ADGRG6: variants seen among roughly 807,000 people sequenced by gnomAD.
ADGRG6 encodes G-protein coupled receptor 126.
Under a neutral mutation model 142.4 loss-of-function variants are expected in ADGRG6, and 84 were observed. The observed-to-expected ratio is 0.59, with a 90% CI of 0.49 to 0.71. The LOEUF (loss-of-function observed/expected upper bound fraction) is 0.71. Among genes scored for constraint, ADGRG6 ranks in the 30% least tolerant of loss-of-function variants. The pLI is 0.00. For synonymous variants in ADGRG6, 521 were observed against 520.5 expected (o/e 1.00, Z -0.01); for missense variants, 1,367 against 1,466.6 (o/e 0.93, Z 1.11).
At chr6:142,400,820 C>T in intron 11 of ADGRG6, 1 of 440,274 alleles carries the variant, frequency 2.3e-6, no homozygotes, top group East Asian at 3.7e-5. Flanking sequence ...AGCCCTTTCA[C>T]AGAAAAACTG....
At chr6:142,346,776 C>T (rs1426487941) in intron 2 of ADGRG6, among the ~76,000 whole-genome samples, 5 of 146,494 alleles carry the variant, frequency 3.4e-5, no homozygotes. Flanking sequence ...AACACAGGAA[C>T]AGAAAACCAA....
At chr6:142,426,635 C>A (rs1053810503) in intron 22 of ADGRG6, among the ~76,000 whole-genome samples, 1 of 152,198 alleles carries the variant, frequency 6.6e-6, no homozygotes, top group Non-Finnish European at 1.5e-5. Flanking sequence ...TAGATGGCAC[C>A]CCAGTAGGGA....
intron 22 of ADGRG6, among the ~76,000 whole-genome samples, chr6:142,425,739 A>G (rs1220200519): frequency 6.6e-6 from 1 of 152,178 alleles, no homozygotes; most frequent in Non-Finnish European, 1.5e-5. Flanking sequence ...AACATATACC[A>G]GAGACTGGGC....
chr6:142,378,458 T>C (rs1449246608), intron 4 of ADGRG6, among the ~76,000 whole-genome samples: 1 of 152,146 alleles, frequency 6.6e-6, no homozygotes, highest in Non-Finnish European at 1.5e-5. Context: ...CGGAAGTCCC[T>C]TACAAAATAT....
intron 2 of ADGRG6, among the ~76,000 whole-genome samples, chr6:142,323,611 G>T (rs145804551): frequency 2.0e-5 from 3 of 152,012 alleles, no homozygotes; most frequent in Non-Finnish European, 2.9e-5. Flanking sequence ...AGGTGATTTC[G>T]TCACTGTGCA....
intron 22 of ADGRG6, among the ~76,000 whole-genome samples, chr6:142,428,540 G>C (rs1251320416): frequency 6.6e-6 from 1 of 152,080 alleles, no homozygotes; most frequent in African/African-American, 2.4e-5. Context: ...TTTATAAAGG[G>C]AAGAGGTTTA....
intron 2 of ADGRG6, among the ~76,000 whole-genome samples, chr6:142,346,025 G>C (rs1232393677): frequency 2.0e-5 from 3 of 152,106 alleles, no homozygotes; most frequent in Non-Finnish European, 4.4e-5. Flanking sequence ...TCTCACTTTA[G>C]TTCCTGTGAA....
chr6:142,377,056 A>G (rs1269205935), intron 4 of ADGRG6, among the ~76,000 whole-genome samples: 7 of 152,188 alleles, frequency 4.6e-5, no homozygotes. Context: ...CTTTTCCTCA[A>G]CTGCCTGTTT....
chr6:142,329,663 T>C (rs1193908189), intron 2 of ADGRG6, among the ~76,000 whole-genome samples: 1 of 152,140 alleles, frequency 6.6e-6, no homozygotes, highest in East Asian at 1.9e-4. Context: ...GTCATGTTTG[T>C]GATCAACACA....
chr6:142,382,185 A>T lies in ADGRG6; in HGVS notation c.1138+166A>T, dbSNP rs117315108. Among the ~76,000 whole-genome samples the T allele has an allele frequency of 4.2e-4, 64 of 152,320 alleles. No homozygotes were observed. In the East Asian group the frequency reaches 7.7e-3, roughly 18 times the overall value. On this transcript the variant is annotated intron_variant, in intron 5 of 24. Transcript: ENST00000367609. Reference sequence around the variant, plus strand: ...TGTTTTAGTTGTGTGGGTGCACAGTACGTACGGCATGGAGAAAGAATGCAT... The same window carrying T: ...TGTTTTAGTTGTGTGGGTGCACAGTTCGTACGGCATGGAGAAAGAATGCAT...
chr6:142,379,505 C>T (rs998806331), intron 4 of ADGRG6, among the ~76,000 whole-genome samples: 12 of 152,176 alleles, frequency 7.9e-5, no homozygotes, highest in African/African-American at 1.2e-4. Context: ...CGGTGGCTCA[C>T]GCCTGTAATC....
intron 9 of ADGRG6, among the ~76,000 whole-genome samples, chr6:142,396,499 C>G (rs548852053): frequency 3.3e-5 from 5 of 152,242 alleles, no homozygotes; most frequent in African/African-American, 9.6e-5. Context: ...GCAAATATTT[C>G]ACATATTCCT....
At chr6:142,303,261 C>T (rs1218882058) in intron 1 of ADGRG6, among the ~76,000 whole-genome samples, 1 of 152,144 alleles carries the variant, frequency 6.6e-6, no homozygotes. Context: ...CTTAACACTC[C>T]TTCCCCCAAC....
chr6:142,400,665 C>T (rs942055691), intron 11 of ADGRG6, 69 bp downstream of exon 11: 4 of 779,596 alleles, frequency 5.1e-6, no homozygotes, highest in East Asian at 2.6e-5. Flanking sequence ...ATACGTGCAG[C>T]ACGGTAGTTC....
chr6:142,397,907 G>GA (rs111787190), intron 10 of ADGRG6, among the ~76,000 whole-genome samples, 152 bp downstream of exon 10: 27 of 148,800 alleles, frequency 1.8e-4, no homozygotes, highest in Non-Finnish European at 2.4e-4. Context: ...TGACATAGCA[G>GA]AAAAAAAAAA....
At chr6:142,309,676 T>G (rs1157487080) in intron 2 of ADGRG6, 32 bp downstream of exon 2, 1 of 1,337,230 alleles carries the variant, frequency 7.5e-7, no homozygotes, top group Non-Finnish European at 1.1e-6. Context: ...ACCTGGAATT[T>G]AATCATGATG....
At chr6:142,344,633 T>C (rs778593814) in intron 2 of ADGRG6, among the ~76,000 whole-genome samples, 24 of 151,940 alleles carry the variant, frequency 1.6e-4, no homozygotes, top group Non-Finnish European at 2.9e-4. Context: ...TATCAGGTGA[T>C]ACAATAATAT....
In ADGRG6 at chr6:142,441,680, G is replaced by A. The variant is rs556799684; in HGVS notation, c.3575-1657G>A. On this transcript the variant is annotated intron_variant, in intron 24 of 24. Coordinates refer to ENST00000367609, the MANE Select transcript of ADGRG6 (RefSeq NM_198569.3). Reference sequence around the variant, plus strand: ...ACTATATCCTTGATATCTCTCTGAGGATATGTGGTTTTCTAAAAACACCAA... The same window carrying A: ...ACTATATCCTTGATATCTCTCTGAGAATATGTGGTTTTCTAAAAACACCAA... Among the ~76,000 whole-genome samples the A allele has an allele frequency of 2.6e-5, 4 of 152,228 alleles. No individual in the cohort carries two copies. In the East Asian group the frequency reaches 5.8e-4, roughly 22 times the overall value.
At chr6:142,432,562 C>T in intron 22 of ADGRG6, among the ~76,000 whole-genome samples, 1 of 151,828 alleles carries the variant, frequency 6.6e-6, no homozygotes, top group Admixed American at 6.5e-5. Flanking sequence ...ATGACTTCTC[C>T]TCTCCAGTGT....
Sources: gnomAD v4.1 joint callset for allele counts (sites outside exome capture counted in the v4.1 genomes callset) on GRCh38, gnomAD v4.1.1 for gene constraint, MANE v1.5 for transcripts, NCBI Gene and HGNC (gene_info 2026-07-23, HGNC 2026-07-21) for gene names.